ITGBL1: variants seen among roughly 807,000 people sequenced by gnomAD.
ITGBL1 encodes the protein integrin beta-like protein 1.
A neutral mutation model predicts 68.5 loss-of-function variants in ITGBL1; 51 were observed. The observed-to-expected ratio is 0.74, with a 90% confidence interval of 0.59 to 0.94. The LOEUF is 0.94. Ranked by LOEUF, ITGBL1 falls within the 40% of genes least tolerant of loss-of-function variation. The pLI, the probability that ITGBL1 is intolerant of heterozygous loss-of-function variation, is 0.00. For synonymous variants in ITGBL1, 209 were observed against 227.3 expected (o/e 0.92, Z 0.72); for missense variants, 649 against 647.4 (o/e 1.00, Z -0.03).
At chr13:101,502,931 C>T (rs1314767620) in intron 2 of ITGBL1, among the ~76,000 whole-genome samples, 1 of 152,112 alleles carries the variant, frequency 6.6e-6, no homozygotes, top group Non-Finnish European at 1.5e-5. Context: ...TTCCATTATG[C>T]CTCTCCATCT....
At chr13:101,507,865 T>G (rs2049050800) in intron 2 of ITGBL1, among the ~76,000 whole-genome samples, 1 of 152,196 alleles carries the variant, frequency 6.6e-6, no homozygotes, top group African/African-American at 2.4e-5. Flanking sequence ...TTCATAAAAC[T>G]TAGATTGTAC....
intron 7 of ITGBL1, among the ~76,000 whole-genome samples, chr13:101,671,114 A>G (rs2033346663): frequency 6.6e-6 from 1 of 152,188 alleles, no homozygotes; most frequent in Non-Finnish European, 1.5e-5. Flanking sequence ...ACACATGTGC[A>G]TTCAGATGCC....
intron 2 of ITGBL1, among the ~76,000 whole-genome samples, chr13:101,487,946 G>A (rs1201105509): frequency 6.6e-6 from 1 of 152,194 alleles, no homozygotes; most frequent in Non-Finnish European, 1.5e-5. Flanking sequence ...GGCACAGGGG[G>A]CCTGACTGCA....
intron 2 of ITGBL1, among the ~76,000 whole-genome samples, chr13:101,538,370 G>A (rs1296921428): frequency 2.7e-5 from 4 of 150,536 alleles, no homozygotes; most frequent in African/African-American, 9.8e-5. Flanking sequence ...CATACTGGGG[G>A]GTCTAGAAAA....
chr13:101,458,936 G>T (rs867853743), intron 2 of ITGBL1, among the ~76,000 whole-genome samples: 1 of 152,096 alleles, frequency 6.6e-6, no homozygotes, highest in Non-Finnish European at 1.5e-5. Flanking sequence ...AATAAGAACA[G>T]AATTATTATT....
At chr13:101,616,775 GCCGCT>G (rs2031380266) in intron 7 of ITGBL1, among the ~76,000 whole-genome samples, 2 of 152,178 alleles carry the variant, frequency 1.3e-5, no homozygotes, top group African/African-American at 4.8e-5. Flanking sequence ...ACAGGTGTGA[GCCGCT>G]GCAGGCAGCC....
chr13:101,534,518 CT>C (rs1361041210), intron 2 of ITGBL1, among the ~76,000 whole-genome samples: 1 of 152,108 alleles, frequency 6.6e-6, no homozygotes, highest in Non-Finnish European at 1.5e-5. Context: ...AGGCAGTTTC[CT>C]GTTTCCTCTA....
At chr13:101,555,568 G>A (rs779605115) in intron 2 of ITGBL1, among the ~76,000 whole-genome samples, 4 of 152,146 alleles carry the variant, frequency 2.6e-5, no homozygotes, top group Non-Finnish European at 4.4e-5. Context: ...ATGGGAAGGG[G>A]TGGCGTTTAG....
chr13:101,495,573 G>A (rs895973707), intron 2 of ITGBL1, among the ~76,000 whole-genome samples: 3 of 151,754 alleles, frequency 2.0e-5, no homozygotes, highest in African/African-American at 7.3e-5. Context: ...AATCTTCTGG[G>A]TCCCCACACT....
chr13:101,698,724 T>C lies in ITGBL1; in HGVS notation c.1132+6023T>C, dbSNP rs1343404029. Among the ~76,000 whole-genome samples the C allele has an allele frequency of 2.0e-5, 3 of 152,246 alleles. No individual in the cohort carries two copies. The South Asian group carries it at 6.2e-4, about 31-fold the overall frequency. ...TAGTTCGTAAGATTTATTTATTTTA[T>C]TGGTATATCATTTTAAGATTACACA... On this transcript the variant is annotated intron_variant, in intron 8 of 10. Coordinates refer to ENST00000376180, the MANE Select transcript of ITGBL1 (RefSeq NM_004791.3).
At chr13:101,473,466 CT>C (rs2048491571) in intron 2 of ITGBL1, among the ~76,000 whole-genome samples, 1 of 152,230 alleles carries the variant, frequency 6.6e-6, no homozygotes, top group Non-Finnish European at 1.5e-5. Flanking sequence ...TTGATCAGCC[CT>C]AGCCAGAGCG....
At chr13:101,681,839 T>A (rs72659178) in intron 7 of ITGBL1, among the ~76,000 whole-genome samples, 30,092 of 151,958 alleles carry the variant, frequency 0.2, 3,580 homozygotes, top group Admixed American at 0.28. Flanking sequence ...TATATGTGTG[T>A]GTGTGTTGGG....
chr13:101,603,971 T>C (rs189504963), intron 7 of ITGBL1, among the ~76,000 whole-genome samples: 1 of 152,138 alleles, frequency 6.6e-6, no homozygotes, highest in Admixed American at 6.6e-5. Flanking sequence ...CAAATGGTTA[T>C]GTTGCTAGTA....
At chr13:101,524,386 A>T (rs1272590014) in intron 2 of ITGBL1, among the ~76,000 whole-genome samples, 1 of 69,894 alleles carries the variant, frequency 1.4e-5, no homozygotes, top group Non-Finnish European at 2.9e-5. Context: ...ATGTATTCTT[A>T]TTCTTTTTTT....
intron 2 of ITGBL1, among the ~76,000 whole-genome samples, chr13:101,531,828 G>A (rs2049486844): frequency 6.6e-6 from 1 of 151,780 alleles, no homozygotes; most frequent in Non-Finnish European, 1.5e-5. Flanking sequence ...CGCCTCCCAA[G>A]GTTCATGCCA....
intron 7 of ITGBL1, among the ~76,000 whole-genome samples, chr13:101,672,089 T>A (rs2033392743): frequency 6.6e-6 from 1 of 152,222 alleles, no homozygotes; most frequent in Non-Finnish European, 1.5e-5. Flanking sequence ...AATAATTCAG[T>A]CACATTTGAC....
chr13:101,706,828 G>A lies in ITGBL1; in HGVS notation c.1205G>A (p.Arg402Gln), dbSNP rs149770736. Residue 402 changes from arginine to glutamine, a missense_variant, in exon 9 of 11, where the codon CGG becomes CAG. Transcript: ENST00000376180. ...TTTGGAAAGCTCTGCCAACATCCGC[G>A]GAAGTGTAACATGACGGAAGAACAA... ...GWFGKLCQHPRKCNMTEEQSK... is the reference protein window; with the variant it reads ...GWFGKLCQHPQKCNMTEEQSK... The A allele has an allele frequency of 1.9e-5, 30 of 1,614,032 alleles. No individual in the cohort carries two copies. Among genetic ancestry groups the A allele is most frequent in the Non-Finnish European group, 2.5e-5 (30 of 1,180,032 alleles).
chr13:101,553,860 T>C (rs2049961235), intron 2 of ITGBL1, among the ~76,000 whole-genome samples: 1 of 152,086 alleles, frequency 6.6e-6, no homozygotes, highest in African/African-American at 2.4e-5. Flanking sequence ...CCGCAACATC[T>C]GCCTTCCAGG....
At chr13:101,574,511 C>CT (rs2050323925) in intron 3 of ITGBL1, among the ~76,000 whole-genome samples, 3 of 152,058 alleles carry the variant, frequency 2.0e-5, no homozygotes, top group Non-Finnish European at 4.4e-5. Flanking sequence ...ATATAAAACT[C>CT]TGAGAGGAGG....
Sources: gnomAD v4.1 joint callset for allele counts (sites outside exome capture counted in the v4.1 genomes callset) on GRCh38, gnomAD v4.1.1 for gene constraint, MANE v1.5 for transcripts, NCBI Gene and HGNC (gene_info 2026-07-23, HGNC 2026-07-21) for gene names.